Variants in TRAF6 observed in about 807,000 individuals in gnomAD.
TRAF6 encodes TNF receptor associated factor 6.
In TRAF6, 10 loss-of-function variants were observed where a neutral mutation model predicts 48.4. The ratio of observed to expected loss-of-function variants is 0.21; its 90% CI spans 0.13 to 0.35. The LOEUF is 0.35. Ranked by LOEUF, TRAF6 falls within the 10% of genes least tolerant of loss-of-function variation. TRAF6 has a pLI of 1.00. For missense variants in TRAF6, 397 were observed against 661.0 expected (o/e 0.60, Z 4.38); for synonymous variants, 186 against 219.6 (o/e 0.85, Z 1.35).
chr11:36,498,733 C>T (rs906628980), intron 2 of TRAF6, 93 bp from the exon 3 acceptor site: 1 of 1,323,996 alleles, frequency 7.6e-7, no homozygotes, highest in Non-Finnish European at 1.0e-6. Context: ...TCTCCATTTA[C>T]TGTTTCATAA....
rs114572378 is a variant in TRAF6, at chr11:36,488,706, C to T, written c.*1132G>A. ...CTTCTCAGAACCTGCAGTTGTTAGG[C>T]TACAGCAACATACTCAAGCTAAGTT... is the stretch of plus-strand genomic sequence containing the variant. On this transcript the variant is annotated 3_prime_UTR_variant, in exon 7 of 7. Coordinates refer to ENST00000526995, the MANE Select transcript of TRAF6 (RefSeq NM_004620.4). The T allele has an allele frequency of 3.8e-4, 58 of 152,288 alleles. No homozygotes were observed. Among genetic ancestry groups the T allele is most frequent in the Admixed American group, 1.4e-3 (22 of 15,294 alleles). 9.4% of individuals were successfully genotyped at this position (152,288 alleles called of 1,614,324 possible). A position where few individuals can be genotyped will look rare whatever the true frequency, so the allele number is the denominator to read the frequency against.
rs1243147813 is a variant in TRAF6, at chr11:36,483,874, G to A, written c.*5964C>T. ...GTAACAGTGCGGAGGGGGTAAGTAT[G>A]TCAGTCTGGCATGTTTTCTTCTAAA... is the stretch of plus-strand genomic sequence containing the variant. On this transcript the variant is annotated 3_prime_UTR_variant, in exon 7 of 7. Coordinates refer to ENST00000526995, the MANE Select transcript of TRAF6 (RefSeq NM_004620.4). Among the ~76,000 whole-genome samples the A allele has an allele frequency of 6.6e-6, 1 of 152,182 alleles. No individual in the cohort carries two copies. The highest frequency in any genetic ancestry group is 1.5e-5 in the Non-Finnish European group (1 of 68,038).
At chr11:36,495,816 C>T (rs1859623224) in intron 4 of TRAF6, among the ~76,000 whole-genome samples, 1 of 152,044 alleles carries the variant, frequency 6.6e-6, no homozygotes, top group African/African-American at 2.4e-5. Context: ...CGCTTGAACC[C>T]AGGAGGCAGA....
rs1407621290 is a variant in TRAF6, at chr11:36,507,622, T to C, written c.-23+2426A>G. On this transcript the variant is annotated intron_variant, in intron 1 of 6. Coordinates refer to ENST00000526995, the MANE Select transcript of TRAF6 (RefSeq NM_004620.4). Reference sequence around the variant, plus strand: ...ATGTATACATACACGCGCGTGTATATATGTATACATACACGCGCGTGTATA... The same window carrying C: ...ATGTATACATACACGCGCGTGTATACATGTATACATACACGCGCGTGTATA... 2.2e-4 allele frequency among the ~76,000 whole-genome samples: 4 copies of C among 18,512 alleles called. 1 individual carries two copies. Among genetic ancestry groups the C allele is most frequent in the African/African-American group, 5.6e-4 (4 of 7,112 alleles). 12.1% of individuals were successfully genotyped at this position (18,512 alleles called of 152,430 possible).
At chr11:36,498,420 C>T in intron 3 of TRAF6, 70 bp downstream of exon 3, 1 of 1,452,004 alleles carries the variant, frequency 6.9e-7, no homozygotes, top group Non-Finnish European at 9.3e-7. Context: ...CAGATGGACA[C>T]AGCAAAGTCC....
At position 36,492,612 on chromosome 11, in the gene TRAF6, T is replaced by G; in HGVS notation, c.695A>C (p.Asp232Ala). The change falls in exon 6 of 7, where the codon GAT becomes GCT. Residue 232 changes from aspartate (D) to alanine (A), a missense_variant. Around this residue, in one of 4 missense-constraint regions of TRAF6, gnomAD observed 245 missense variants for 349.1 expected, o/e 0.70. Transcript: ENST00000526995. The part of the protein sequence containing the change: ...LIREQMPNHY[D>A]LDCPTAPIPC... ...AATTGGGGCTGTAGGGCAGTCTAGA[T>G]CATAATGATTAGGCATCTGAAATCC... is the stretch of plus-strand genomic sequence containing the variant. 3.7e-6 allele frequency: 6 copies of G among 1,609,796 alleles called. No homozygotes were observed. Among genetic ancestry groups the G allele is most frequent in the Non-Finnish European group, 4.2e-6 (5 of 1,178,914 alleles).
At chr11:36,503,033 T>C (rs1006247909) in intron 1 of TRAF6, among the ~76,000 whole-genome samples, 1 of 152,186 alleles carries the variant, frequency 6.6e-6, no homozygotes, top group Non-Finnish European at 1.5e-5. Flanking sequence ...TTACCTAAGA[T>C]TACCCAACTA....
chr11:36,492,665 T>G (rs1451636433), intron 5 of TRAF6, 37 bp from the exon 6 acceptor site: 1 of 1,477,392 alleles, frequency 6.8e-7, no homozygotes, highest in Non-Finnish European at 9.4e-7. Flanking sequence ...ATCTCTTCCT[T>G]GCATATCATT....
rs184551149 is a variant in TRAF6, at chr11:36,486,150, G to A, written c.*3688C>T. ...TGCTTCCCGGGTTCAAGCGATTCCC[G>A]TGCCTCAGCCTCCCAAGAAGCTGGG... On this transcript the variant is annotated 3_prime_UTR_variant, in exon 7 of 7. Coordinates refer to ENST00000526995, the MANE Select transcript of TRAF6 (RefSeq NM_004620.4). 7.1e-4 allele frequency among the ~76,000 whole-genome samples: 108 copies of A among 152,128 alleles called. No individual in the cohort carries two copies. The highest frequency in any genetic ancestry group is 1.0e-3 in the Non-Finnish European group (70 of 68,016).
chr11:36,509,411 C>T (rs1278634861), intron 1 of TRAF6, among the ~76,000 whole-genome samples: 3 of 151,502 alleles, frequency 2.0e-5, no homozygotes, highest in Non-Finnish European at 4.4e-5. Flanking sequence ...AGAAAACATT[C>T]GTGTCATCTG....
Position 36,490,766 on chromosome 11 carries a change from T to C in TRAF6, c.757-116A>G. 3 of 910,896 alleles carry C rather than the reference T, an allele frequency of 3.3e-6. No individual in the cohort carries two copies. Among genetic ancestry groups the C allele is most frequent in the Non-Finnish European group, 3.2e-6 (2 of 616,676 alleles). 56.4% of individuals were successfully genotyped at this position (910,896 alleles called of 1,614,324 possible). ...AGTCACACCACTTCCCTCAATTCTC[T>C]ACAATTTTCCTTTGCCTTCAACAGA... On this transcript the variant is annotated intron_variant, in intron 6 of 6. Transcript: ENST00000526995. The surrounding 1 kb of genome is among the most constrained non-coding windows in gnomAD (Gnocchi z 6.4).
chr11:36,488,890 C>G lies in TRAF6; in HGVS notation c.*948G>C, dbSNP rs1859523767. 1 of 152,200 alleles carries G rather than the reference C, an allele frequency of 6.6e-6. No homozygotes were observed. The highest frequency in any genetic ancestry group is 1.5e-5 in the Non-Finnish European group (1 of 68,032). 9.4% of individuals were successfully genotyped at this position (152,200 alleles called of 1,614,324 possible). ...ATTCAAAAGAGCTGAAAACTTCTGG[C>G]TCACATAGCTTCTGTCACCACCAAT... On this transcript the variant is annotated 3_prime_UTR_variant, in exon 7 of 7. Coordinates refer to ENST00000526995, the MANE Select transcript of TRAF6 (RefSeq NM_004620.4).
At chr11:36,501,610 G>A in intron 1 of TRAF6, 73 bp from the exon 2 acceptor site, 1 of 1,141,234 alleles carries the variant, frequency 8.8e-7, no homozygotes, top group Non-Finnish European at 1.2e-6. Context: ...ATATATCATA[G>A]CTTATCTATA....
Position 36,490,183 on chromosome 11 carries a change from G to T in TRAF6, c.1224C>A (p.Ser408=). Residue 408 remains serine (S), a synonymous_variant, in exon 7 of 7, where the codon TCC becomes TCA. Transcript: ENST00000526995. The surrounding 1 kb of genome is among the most constrained non-coding windows in gnomAD (Gnocchi z 6.4). ...PTAQRCANYI[S]LFVHTMQGEY... is the part of the protein sequence containing the mutation. ...CTCCTTGCATTGTGTGGACAAAAAG[G>T]GATATATAGTTTGCACAGCGCTGAG... 6.2e-7 allele frequency: 1 copy of T among 1,614,166 alleles called. No individual in the cohort carries two copies. The highest frequency in any genetic ancestry group is 8.5e-7 in the Non-Finnish European group (1 of 1,180,040).
rs191568925 is a variant in TRAF6, at chr11:36,505,926, A to G, written c.-23+4122T>C. ...ACATTTATTAAGTTCATCATCTCAT[A>G]TGGGTGTGGTGCATGTACTCCAAAA... On this transcript the variant is annotated intron_variant, in intron 1 of 6. Coordinates refer to ENST00000526995, the MANE Select transcript of TRAF6 (RefSeq NM_004620.4). 1.3e-3 allele frequency among the ~76,000 whole-genome samples: 202 copies of G among 152,260 alleles called. 1 individual carries two copies. The highest frequency in any genetic ancestry group is 4.7e-3 in the African/African-American group (195 of 41,562).
intron 6 of TRAF6, among the ~76,000 whole-genome samples, chr11:36,492,313 A>C (rs1180129697): frequency 6.6e-6 from 1 of 152,098 alleles, no homozygotes; most frequent in African/African-American, 2.4e-5. Context: ...TTCTTGGAAA[A>C]CTATTTCACC....
intron 2 of TRAF6, 134 bp from the exon 3 acceptor site, chr11:36,498,774 G>T: frequency 1.1e-6 from 1 of 937,202 alleles, no homozygotes; most frequent in African/African-American, 1.7e-5. Context: ...TATATTGCAG[G>T]TCACCAAAAC....
chr11:36,507,957 G>A (rs1446481539), intron 1 of TRAF6, among the ~76,000 whole-genome samples: 1 of 151,048 alleles, frequency 6.6e-6, no homozygotes, highest in Non-Finnish European at 1.5e-5. Flanking sequence ...TTGGGCTCAA[G>A]TGATCCTCCC....
intron 5 of TRAF6, among the ~76,000 whole-genome samples, chr11:36,494,368 A>C (rs1859601333): frequency 6.6e-6 from 1 of 152,120 alleles, no homozygotes; most frequent in Non-Finnish European, 1.5e-5. Flanking sequence ...GTGAGACTCT[A>C]TCTCAAGAAA....
Sources: allele counts gnomAD v4.1 joint callset (sites outside exome capture counted in the v4.1 genomes callset), GRCh38; gene constraint gnomAD v4.1.1; regional missense constraint gnomAD v4.1.1; non-coding constraint Gnocchi (gnomAD v3.1); transcripts MANE v1.5; gene names NCBI Gene and HGNC (gene_info 2026-07-23, HGNC 2026-07-21).